Variants in PTK2 observed in about 807,000 individuals in gnomAD.
PTK2 encodes the protein protein tyrosine kinase 2.
A neutral mutation model predicts 150.1 loss-of-function variants in PTK2; 45 were observed. That is an observed-to-expected ratio of 0.30 (90% confidence interval 0.24 to 0.38). PTK2 has a LOEUF of 0.38. Ranked by LOEUF, PTK2 falls within the 10% of genes least tolerant of loss-of-function variation. The pLI is 1.00. For synonymous variants in PTK2, 432 were observed against 449.2 expected (o/e 0.96, Z 0.48); for missense variants, 919 against 1,307.3 (o/e 0.70, Z 4.58).
At chr8:140,710,531 C>T (rs1406683006) in intron 23 of PTK2, among the ~76,000 whole-genome samples, 8 of 151,648 alleles carry the variant, frequency 5.3e-5, no homozygotes, top group Non-Finnish European at 1.2e-4. Context: ...ATTAGCCAGG[C>T]GTGGTGGCAC....
At chr8:140,659,522 G>A (rs1326583345) in exon 32 of PTK2, 2 of 1,613,612 alleles carry the variant, frequency 1.2e-6, no homozygotes, top group Non-Finnish European at 1.7e-6. Flanking sequence ...ATGACATCGA[G>A]TAAGTTTTTG....
At chr8:140,747,938 T>C (rs2100060412) in intron 17 of PTK2, among the ~76,000 whole-genome samples, 1 of 152,016 alleles carries the variant, frequency 6.6e-6, no homozygotes, top group Non-Finnish European at 1.5e-5. Context: ...TAAGCAACCA[T>C]CTTTACAGTA....
chr8:140,852,051 T>C (rs185326294), intron 5 of PTK2, among the ~76,000 whole-genome samples: 10 of 152,316 alleles, frequency 6.6e-5, no homozygotes, highest in Admixed American at 3.9e-4. Flanking sequence ...ATTTTTTTCA[T>C]GACATCTTCT....
At chr8:140,914,105 A>G (rs1442639305) in intron 2 of PTK2, among the ~76,000 whole-genome samples, 1 of 152,208 alleles carries the variant, frequency 6.6e-6, no homozygotes, top group Non-Finnish European at 1.5e-5. Context: ...ATACAAATGT[A>G]TTTTAGTTTA....
At chr8:140,974,816 G>A (rs1473279922) in intron 1 of PTK2, among the ~76,000 whole-genome samples, 1 of 152,080 alleles carries the variant, frequency 6.6e-6, no homozygotes, top group Non-Finnish European at 1.5e-5. Flanking sequence ...GGGGTTCATG[G>A]ACCTAAGAGA....
chr8:140,744,580 T>C (rs1338756476), intron 19 of PTK2, 72 bp downstream of exon 22: 8 of 967,848 alleles, frequency 8.3e-6, no homozygotes, highest in Non-Finnish European at 1.2e-5. Flanking sequence ...CCAAAGACGG[T>C]CCAAATGGGT....
chr8:140,767,183 C>A (rs757946133), intron 14 of PTK2, among the ~76,000 whole-genome samples: 6 of 151,800 alleles, frequency 4.0e-5, no homozygotes. Context: ...CAGGCTAGCA[C>A]ACATTGTGGA....
intron 4 of PTK2, among the ~76,000 whole-genome samples, chr8:140,875,719 G>A (rs1037798283): frequency 1.1e-4 from 17 of 152,126 alleles, no homozygotes; most frequent in Non-Finnish European, 1.8e-4. Context: ...CCATCTTTTA[G>A]GATTTTTGCC....
At chr8:140,954,848 C>CTATATA (rs376191638) in intron 1 of PTK2, 2 of 151,032 alleles carry the variant, frequency 1.3e-5, no homozygotes, top group Admixed American at 1.3e-4. Context: ...ACCTGAAAGA[C>CTATATA]TATATATATA....
At chr8:140,857,670 C>T (rs1435392924) in intron 5 of PTK2, among the ~76,000 whole-genome samples, 1 of 152,200 alleles carries the variant, frequency 6.6e-6, no homozygotes, top group East Asian at 1.9e-4. Flanking sequence ...GACATGTATG[C>T]TCTCAGCTGG....
intron 2 of PTK2, among the ~76,000 whole-genome samples, chr8:140,903,655 T>C (rs1396582238): frequency 6.6e-6 from 1 of 152,240 alleles, no homozygotes; most frequent in Non-Finnish European, 1.5e-5. Context: ...TTTTTCCATT[T>C]GTTTGTGTCC....
chr8:140,732,627 G>A (rs769855308), intron 22 of PTK2: 1 of 513,648 alleles, frequency 1.9e-6, no homozygotes, highest in Non-Finnish European at 4.0e-6. Flanking sequence ...AGACATACTA[G>A]ACTGTGAGCT....
At chr8:140,922,667 C>T (rs186584697) in intron 2 of PTK2, among the ~76,000 whole-genome samples, 2 of 152,280 alleles carry the variant, frequency 1.3e-5, no homozygotes, top group South Asian at 2.1e-4. Context: ...TAGTAACCTA[C>T]AATTATATTC....
At chr8:140,872,083 T>C (rs1337630849) in intron 4 of PTK2, among the ~76,000 whole-genome samples, 1 of 152,142 alleles carries the variant, frequency 6.6e-6, no homozygotes, top group African/African-American at 2.4e-5. Context: ...GGCGTAAGGA[T>C]GTAGTCCCAG....
chr8:140,768,059 T>A (rs964945040), intron 14 of PTK2, among the ~76,000 whole-genome samples: 6 of 152,082 alleles, frequency 3.9e-5, no homozygotes, highest in African/African-American at 1.4e-4. Flanking sequence ...TAGGTCTGCA[T>A]TCTATATTTA....
chr8:140,852,610 A>G (rs1037034972), intron 5 of PTK2, among the ~76,000 whole-genome samples: 1 of 152,354 alleles, frequency 6.6e-6, no homozygotes. Context: ...GCATACTTAA[A>G]TTATTTTATT....
chr8:140,919,625 CAAG>C (rs2100166661), intron 2 of PTK2, among the ~76,000 whole-genome samples: 1 of 152,074 alleles, frequency 6.6e-6, no homozygotes, highest in Admixed American at 6.6e-5. Context: ...CCAAAATTTT[CAAG>C]AAGTATAGAA....
Position 140,668,437 on chromosome 8 carries a change from A to C in PTK2, c.2710-13T>G. The C allele has an allele frequency of 6.3e-7, 1 of 1,599,098 alleles. No homozygotes were observed. Among genetic ancestry groups the C allele is most frequent in the Non-Finnish European group, 8.5e-7 (1 of 1,172,908 alleles). The stretch of plus-strand genomic sequence containing the variant: ...CCTGGGGCTGAAGCTGACAACACAG[A>C]AGCCAGTCATTTTTCTGCTCTCCAG... On this transcript the variant is annotated splice_polypyrimidine_tract_variant and intron_variant, in intron 29 of 31. Transcript: ENST00000522684.
chr8:140,936,646 A>C (rs961132413), intron 1 of PTK2, among the ~76,000 whole-genome samples: 2 of 152,012 alleles, frequency 1.3e-5, no homozygotes, highest in Admixed American at 6.6e-5. Context: ...CTTAACCTTC[A>C]CACCTCCACC....
Sources: gnomAD v4.1 joint callset for allele counts (sites outside exome capture counted in the v4.1 genomes callset) on GRCh38, gnomAD v4.1.1 for gene constraint, MANE v1.5 for transcripts, NCBI Gene and HGNC (gene_info 2026-07-23, HGNC 2026-07-21) for gene names.